The following HECTD2 variants were observed in gnomAD, a reference collection of about 807,000 sequenced individuals.
The protein encoded by HECTD2 is HECT domain E3 ubiquitin protein ligase 2.
A neutral mutation model predicts 103.2 loss-of-function variants in HECTD2; 35 were observed. The ratio of observed to expected loss-of-function variants is 0.34; its 90% CI spans 0.26 to 0.45. HECTD2 has a LOEUF of 0.45. Among genes scored for constraint, HECTD2 ranks in the 20% least tolerant of loss-of-function variants. HECTD2 has a pLI of 1.00. For synonymous variants in HECTD2, 281 were observed against 329.9 expected (o/e 0.85, Z 1.61); for missense variants, 596 against 937.4 (o/e 0.64, Z 4.76).
intron 14 of HECTD2, among the ~76,000 whole-genome samples, chr10:91,495,956 T>G (rs1589542637): frequency 1.3e-5 from 2 of 152,178 alleles, no homozygotes; most frequent in Admixed American, 1.3e-4. Context: ...TGTTGTGATC[T>G]TAGATAAACT....
At chr10:91,425,471 G>A in intron 2 of HECTD2, 61 bp downstream of exon 2, 2 of 1,240,598 alleles carry the variant, frequency 1.6e-6, no homozygotes, top group Non-Finnish European at 2.2e-6. Flanking sequence ...TTTAAAAGTA[G>A]ACATTAATTA....
chr10:91,418,869 A>G (rs1245556651), intron 1 of HECTD2, among the ~76,000 whole-genome samples: 2 of 152,162 alleles, frequency 1.3e-5, no homozygotes, highest in Admixed American at 6.5e-5. Flanking sequence ...ATATATGTTT[A>G]TTTATCAGTC....
At chr10:91,437,619 C>CTTTTT (rs59785873) in intron 2 of HECTD2, among the ~76,000 whole-genome samples, 4 of 87,412 alleles carry the variant, frequency 4.6e-5, no homozygotes, top group Admixed American at 1.2e-4. Context: ...GATGGTTGTT[C>CTTTTT]TTTTTTTTTT....
chr10:91,510,532 G>C (rs896181715), intron 20 of HECTD2, among the ~76,000 whole-genome samples: 7 of 152,108 alleles, frequency 4.6e-5, no homozygotes, highest in African/African-American at 1.7e-4. Flanking sequence ...AAGAGACCTT[G>C]TATCTAGGTA....
rs953564982 is a variant in HECTD2 at position 91,461,367 on chromosome 10, A to G, written c.510+11A>G. On this transcript the variant is annotated intron_variant, in intron 4 of 20. Transcript: ENST00000298068. ...AATGCTGCATTTAAGGTAATTATAC[A>G]TAAAACACACTTTTCATTTCACTTT... 9.8e-6 allele frequency: 12 copies of G among 1,224,918 alleles called. 1 individual carries two copies. The Admixed American group carries it at 1.5e-4, about 15-fold the overall frequency. The allele number at this position is 1,224,918 out of a possible 1,614,324, so 75.9% of individuals were successfully genotyped here.
chr10:91,424,820 G>A (rs1419818503), intron 1 of HECTD2, among the ~76,000 whole-genome samples: 2 of 152,000 alleles, frequency 1.3e-5, no homozygotes, highest in African/African-American at 4.8e-5. Flanking sequence ...ACCTGAACTT[G>A]TAAAGTTGCA....
chr10:91,427,007 C>G (rs1332601667), intron 2 of HECTD2, among the ~76,000 whole-genome samples: 2 of 106,428 alleles, frequency 1.9e-5, no homozygotes, highest in African/African-American at 7.2e-5. Context: ...CCCCTCCCCC[C>G]ACCCCACAAC....
intron 5 of HECTD2, chr10:91,462,657 AAAAATT>A: frequency 1.0e-6 from 1 of 1,000,488 alleles, no homozygotes; most frequent in Non-Finnish European, 1.2e-6. Context: ...CACATACTAT[AAAAATT>A]ATGTCACCAT....
intron 15 of HECTD2, 93 bp downstream of exon 15, chr10:91,496,465 T>C: frequency 1.2e-6 from 1 of 855,452 alleles, no homozygotes; most frequent in South Asian, 2.1e-5. Context: ...TTCTTACTTT[T>C]AAATATGGTT....
intron 2 of HECTD2, among the ~76,000 whole-genome samples, chr10:91,426,492 T>C (rs1843563502): frequency 6.6e-6 from 1 of 152,034 alleles, no homozygotes. Flanking sequence ...TACATTCTTA[T>C]AGGTTAGTAT....
chr10:91,460,693 G>A, intron 3 of HECTD2, 128 bp downstream of exon 3: 1 of 785,030 alleles, frequency 1.3e-6, no homozygotes, highest in Middle Eastern at 2.7e-4. Context: ...GACCTCAAAA[G>A]ACTATATGTC....
At chr10:91,464,359 A>G (rs1845456575) in intron 5 of HECTD2, among the ~76,000 whole-genome samples, 1 of 152,202 alleles carries the variant, frequency 6.6e-6, no homozygotes, top group Non-Finnish European at 1.5e-5. Flanking sequence ...TCAGTAAGAA[A>G]GCAAGTAAAA....
intron 6 of HECTD2, among the ~76,000 whole-genome samples, 168 bp downstream of exon 6, chr10:91,478,433 C>T (rs1003677472): frequency 4.6e-5 from 7 of 152,120 alleles, no homozygotes; most frequent in African/African-American, 1.7e-4. Flanking sequence ...AGCTGTATAA[C>T]TTGAGATTTG....
intron 1 of HECTD2, among the ~76,000 whole-genome samples, chr10:91,421,473 AACAC>A (rs1460218601): frequency 6.6e-6 from 1 of 152,186 alleles, no homozygotes; most frequent in Non-Finnish European, 1.5e-5. Context: ...AAAATACACT[AACAC>A]AAACTATGGC....
chr10:91,506,428 A>G (rs1357689400), intron 20 of HECTD2, among the ~76,000 whole-genome samples: 1 of 149,828 alleles, frequency 6.7e-6, no homozygotes, highest in Non-Finnish European at 1.5e-5. Flanking sequence ...GCAATAAAAA[A>G]TGATAAAGGG....
At chr10:91,480,195 C>A (rs997756602) in intron 6 of HECTD2, among the ~76,000 whole-genome samples, 3 of 151,924 alleles carry the variant, frequency 2.0e-5, no homozygotes, top group African/African-American at 7.3e-5. Context: ...TAAAAAAATT[C>A]TAAGAAATCA....
intron 2 of HECTD2, among the ~76,000 whole-genome samples, chr10:91,429,354 C>G (rs1219110680): frequency 6.6e-6 from 1 of 152,088 alleles, no homozygotes; most frequent in Non-Finnish European, 1.5e-5. Context: ...TTGGTTGTGT[C>G]TCTGCCCGGC....
Position 91,418,006 on chromosome 10 carries a change from T to A in HECTD2, c.139-7275T>A, listed in dbSNP as rs1180152078. Among the ~76,000 whole-genome samples the A allele has an allele frequency of 2.0e-5, 3 of 152,170 alleles. No homozygotes were observed. In the East Asian group the frequency reaches 5.8e-4, roughly 29 times the overall value. On this transcript the variant is annotated intron_variant, in intron 1 of 20. Transcript: ENST00000298068. ...AACAGTGTAAAAGTGTTCCTATTTC[T>A]CCACATCCTCTCCAGCACCTGTTGT...
chr10:91,432,119 A>G (rs1367629576), intron 2 of HECTD2, among the ~76,000 whole-genome samples: 2 of 151,972 alleles, frequency 1.3e-5, no homozygotes, highest in Non-Finnish European at 2.9e-5. Context: ...TTGAATAGAA[A>G]GTTAGGCTAC....
Sources: allele counts gnomAD v4.1 joint callset (sites outside exome capture counted in the v4.1 genomes callset), GRCh38; gene constraint gnomAD v4.1.1; transcripts MANE v1.5; gene names NCBI Gene and HGNC (gene_info 2026-07-23, HGNC 2026-07-21).